Variants in THRB observed in about 807,000 individuals in gnomAD.
THRB encodes nuclear receptor subfamily 1 group A member 2.
A neutral mutation model predicts 47.8 loss-of-function variants in THRB; 12 were observed. The observed-to-expected ratio is 0.25, with a 90% CI of 0.16 to 0.41. The LOEUF (loss-of-function observed/expected upper bound fraction) is 0.41. Among genes scored for constraint, THRB ranks in the 10% least tolerant of loss-of-function variants. The pLI, the probability that THRB is intolerant of heterozygous loss-of-function variation, is 1.00. For missense variants in THRB, 348 were observed against 589.2 expected (o/e 0.59, Z 4.24); for synonymous variants, 218 against 212.2 (o/e 1.03, Z -0.24).
At chr3:24,265,330 G>T (rs887242164) in intron 3 of THRB, among the ~76,000 whole-genome samples, 2 of 152,156 alleles carry the variant, frequency 1.3e-5, no homozygotes, top group African/African-American at 4.8e-5. Context: ...AAAGGGCACT[G>T]ATCAAGACAT....
rs758209560 is a variant in THRB at position 24,190,214 on chromosome 3, G to A, written c.143C>T (p.Thr48Met). The A allele has an allele frequency of 2.5e-6, 4 of 1,614,088 alleles. No individual in the cohort carries two copies. The highest frequency in any genetic ancestry group is 1.3e-5 in the African/African-American group (1 of 75,026). ...TGGCGACGACTGTTCATTTTTCAAC[G>A]TGCTGCGCCTCTCTGAATGGCTCTT... ...HRKSHSERRS[T>M]LKNEQSSPHL... is the part of the protein sequence containing the mutation. The change falls in exon 5 of 11, where the codon ACG becomes ATG. Residue 48 changes from threonine to methionine, a missense_variant. Physicochemically the swap from Thr to Met is moderately conservative, Grantham distance 81. Around this residue, in one of 5 missense-constraint regions of THRB, gnomAD observed 148 missense variants for 122.3 expected, o/e 1.21. Coordinates refer to ENST00000646209, the MANE Select transcript of THRB (RefSeq NM_001354712.2).
chr3:24,182,581 G>A (rs1342884788), intron 5 of THRB, among the ~76,000 whole-genome samples: 1 of 152,148 alleles, frequency 6.6e-6, no homozygotes, highest in African/African-American at 2.4e-5. Flanking sequence ...TGTCCAATGT[G>A]GTTCTCATAG....
At chr3:24,321,142 T>C (rs2149292559) in intron 2 of THRB, among the ~76,000 whole-genome samples, 1 of 152,234 alleles carries the variant, frequency 6.6e-6, no homozygotes, top group African/African-American at 2.4e-5. Flanking sequence ...TCAAAGTGAG[T>C]GACTTTGCCC....
chr3:24,123,065 G>A lies in THRB; in HGVS notation c.1205C>T (p.Ala402Val). The change falls in exon 11 of 11, where the codon GCC (alanine) becomes GTC (valine). Residue 402 changes from alanine to valine, a missense_variant. Physicochemically the swap from Ala to Val is moderately conservative, Grantham distance 64. Coordinates refer to ENST00000646209, the MANE Select transcript of THRB (RefSeq NM_001354712.2). ...IEKYQDSFLLAFEHYINYRKH... is the reference protein window; with the variant it reads ...IEKYQDSFLLVFEHYINYRKH... ...TCGGTAATTGATATAGTGTTCAAAG[G>A]CCAGCAGGAAACTATCTTGGTACTT... 2 of 1,614,188 alleles carry A rather than the reference G, an allele frequency of 1.2e-6. No homozygotes were observed. The highest frequency in any genetic ancestry group is 1.7e-6 in the Non-Finnish European group (2 of 1,180,042).
chr3:24,119,624 G>A lies in THRB; in HGVS notation c.*3260C>T, dbSNP rs2031283016. 2 of 152,244 alleles carry A rather than the reference G, an allele frequency of 1.3e-5. No homozygotes were observed. The highest frequency in any genetic ancestry group is 2.1e-4 in the South Asian group (1 of 4,812). The allele number at this position is 152,244 out of a possible 1,614,324, so 9.4% of individuals were successfully genotyped here. A position where few individuals can be genotyped will look rare whatever the true frequency, so the allele number is the denominator to read the frequency against. ...GCTGGCACAGAGCGAAGGCCTGGCA[G>A]TCCACCCCAGGCCTGCACTGCACAC... On this transcript the variant is annotated 3_prime_UTR_variant, in exon 11 of 11. Transcript: ENST00000646209.
chr3:24,267,716 C>T lies in THRB; in HGVS notation c.-43+29510G>A, dbSNP rs115403971. On this transcript the variant is annotated intron_variant, in intron 3 of 10. Coordinates refer to ENST00000646209, the MANE Select transcript of THRB (RefSeq NM_001354712.2). ...TGGTTTAGCCAGAATCTCCTGTACACTTGATGTTGCCTCTTAGTAATTTTC... is the reference window on the plus strand; with the variant it reads ...TGGTTTAGCCAGAATCTCCTGTACATTTGATGTTGCCTCTTAGTAATTTTC... Among the ~76,000 whole-genome samples the T allele has an allele frequency of 7.2e-3, 1,091 of 152,274 alleles. 2 individuals are homozygous for T. The highest frequency in any genetic ancestry group is 0.011 in the Non-Finnish European group (778 of 68,022).
At chr3:24,456,915 A>G (rs2073225283) in intron 1 of THRB, among the ~76,000 whole-genome samples, 1 of 152,078 alleles carries the variant, frequency 6.6e-6, no homozygotes, top group Non-Finnish European at 1.5e-5. Flanking sequence ...TCATTCTAGA[A>G]AAAGTTTAGG....
At chr3:24,439,903 C>T (rs533661212) in intron 1 of THRB, among the ~76,000 whole-genome samples, 2 of 152,238 alleles carry the variant, frequency 1.3e-5, no homozygotes, top group South Asian at 2.1e-4. Flanking sequence ...TGTCCATGAC[C>T]CCATTTAAGG....
At chr3:24,261,506 A>AAAC (rs1553679500) in intron 3 of THRB, among the ~76,000 whole-genome samples, 1 of 150,958 alleles carries the variant, frequency 6.6e-6, no homozygotes, top group Admixed American at 6.6e-5. Flanking sequence ...TCAAAAAAAA[A>AAAC]AAAAAAAAAA....
At chr3:24,233,246 G>A (rs1433130690) in intron 3 of THRB, among the ~76,000 whole-genome samples, 1 of 152,140 alleles carries the variant, frequency 6.6e-6, no homozygotes, top group African/African-American at 2.4e-5. Context: ...CAGGAACTTT[G>A]GAAGGCCTTG....
In THRB at chr3:24,187,997, C is replaced by CTGTT. The variant is rs142753777; in HGVS notation, c.283+2073_283+2076dup. 5.1e-3 allele frequency among the ~76,000 whole-genome samples: 784 copies of CTGTT among 152,274 alleles called. 9 individuals carry two copies. The highest frequency in any genetic ancestry group is 0.01 in the Middle Eastern group (3 of 294). Reference sequence around the variant, plus strand: ...GGAAAACATGGGAGAGTTATTTTAGCTGTTTTCCTGTTAATATTAGGATCT... The same window carrying CTGTT: ...GGAAAACATGGGAGAGTTATTTTAGCTGTTTGTTTTCCTGTTAATATTAGGATCT... On this transcript the variant is annotated intron_variant, in intron 5 of 10. Coordinates refer to ENST00000646209, the MANE Select transcript of THRB (RefSeq NM_001354712.2).
chr3:24,364,231 G>A (rs1000835948), intron 1 of THRB, among the ~76,000 whole-genome samples: 2 of 152,128 alleles, frequency 1.3e-5, no homozygotes, highest in East Asian at 1.9e-4. Context: ...AGAGGAGCAT[G>A]AGCAAAATGT....
At chr3:24,433,071 T>G (rs1471657265) in intron 1 of THRB, among the ~76,000 whole-genome samples, 1 of 152,144 alleles carries the variant, frequency 6.6e-6, no homozygotes. Context: ...AGATAAAGAA[T>G]GAATGACTCT....
intron 1 of THRB, chr3:24,429,951 T>C (rs1240421134): frequency 6.6e-6 from 1 of 152,028 alleles, no homozygotes; most frequent in Non-Finnish European, 1.5e-5. Context: ...CAGAGTGGTA[T>C]GGTGGCAAAG....
intron 1 of THRB, among the ~76,000 whole-genome samples, chr3:24,436,180 T>C (rs1351834344): frequency 6.6e-6 from 1 of 151,796 alleles, no homozygotes; most frequent in Non-Finnish European, 1.5e-5. Context: ...TTTCTCATGG[T>C]AGGGAATACC....
At chr3:24,412,028 A>G (rs1465156240) in intron 1 of THRB, among the ~76,000 whole-genome samples, 2 of 151,816 alleles carry the variant, frequency 1.3e-5, no homozygotes, top group Non-Finnish European at 2.9e-5. Flanking sequence ...TGGAGATAGG[A>G]TAGGTGCAGG....
intron 1 of THRB, among the ~76,000 whole-genome samples, chr3:24,345,481 A>G (rs1438718698): frequency 6.6e-6 from 1 of 152,154 alleles, no homozygotes; most frequent in Admixed American, 6.6e-5. Flanking sequence ...AATAAAAACA[A>G]ATAGACACTT....
chr3:24,158,009 C>G (rs955730287), intron 5 of THRB, among the ~76,000 whole-genome samples: 1 of 152,176 alleles, frequency 6.6e-6, no homozygotes, highest in African/African-American at 2.4e-5. Flanking sequence ...AAAGGGAATA[C>G]GTTGATATAA....
intron 4 of THRB, among the ~76,000 whole-genome samples, chr3:24,220,979 G>A (rs777637531): frequency 5.3e-5 from 8 of 152,182 alleles, no homozygotes; most frequent in Non-Finnish European, 1.0e-4. Flanking sequence ...TAGAGAAAAT[G>A]ACTCAGTTCA....
Sources: gnomAD v4.1 joint callset for allele counts (sites outside exome capture counted in the v4.1 genomes callset) on GRCh38, gnomAD v4.1.1 for gene constraint, gnomAD v4.1.1 regional missense constraint, MANE v1.5 for transcripts, NCBI Gene and HGNC (gene_info 2026-07-23, HGNC 2026-07-21) for gene names.